FCGR2B: variants seen among roughly 807,000 people sequenced by gnomAD.
FCGR2B encodes the protein Fc gamma receptor IIb.
FCGR2B carries 18 observed loss-of-function variants against 24.8 expected under a neutral mutation model. The ratio of observed to expected loss-of-function variants is 0.73; its 90% CI spans 0.50 to 1.08. FCGR2B has a LOEUF of 1.08. Ranked by LOEUF, FCGR2B falls within the 50% of genes least tolerant of loss-of-function variation. FCGR2B has a pLI of 0.00. For synonymous variants in FCGR2B, 79 were observed against 109.8 expected (o/e 0.72, Z 1.75); for missense variants, 215 against 297.6 (o/e 0.72, Z 2.04).
intron 2 of FCGR2B, among the ~76,000 whole-genome samples, chr1:161,671,014 C>A (rs928945701): frequency 6.6e-6 from 1 of 151,800 alleles, no homozygotes; most frequent in Non-Finnish European, 1.5e-5. Context: ...CTTTGTTTAT[C>A]GGGGAGAAAA....
At chr1:161,675,784 A>C in intron 6 of FCGR2B, 1 of 235,656 alleles carries the variant, frequency 4.2e-6, no homozygotes, top group Non-Finnish European at 8.4e-6. Context: ...TGGAGTGGCC[A>C]GGCTCAGCTG....
the FCGR2B span, among the ~76,000 whole-genome samples, chr1:161,654,133 G>C: frequency 7.4e-6 from 1 of 135,096 alleles, no homozygotes; most frequent in East Asian, 1.9e-4. Flanking sequence ...CTCTTTCTTT[G>C]CTGCAATAGC....
chr1:161,650,888 C>A, the FCGR2B span, among the ~76,000 whole-genome samples: 2 of 105,614 alleles, frequency 1.9e-5, no homozygotes, highest in South Asian at 3.7e-4. Context: ...CCTCTCCTTC[C>A]CCCTCCAGTT....
the FCGR2B span, among the ~76,000 whole-genome samples, chr1:161,648,034 A>G: frequency 2.7e-5 from 4 of 150,660 alleles, no homozygotes; most frequent in African/African-American, 7.3e-5. Flanking sequence ...AGTTGGGAAG[A>G]TAGCTTTGTT....
Position 161,673,192 on chromosome 1 carries a change from G to A in FCGR2B, c.609G>A (p.Thr203=), listed in dbSNP as rs2298022. 2.8e-3 allele frequency: 4,480 copies of A among 1,595,406 alleles called. 49 individuals are homozygous for A. Among genetic ancestry groups the A allele is most frequent in the African/African-American group, 0.02 (1,438 of 72,466 alleles). Residue 203 remains threonine (T), a synonymous_variant, in exon 4 of 8, where the codon ACG becomes ACA. Coordinates refer to ENST00000358671, the MANE Select transcript of FCGR2B (RefSeq NM_001394477.1). Reference sequence around the variant, plus strand: ...ACTGCACAGGAAACATAGGCTACACGCTGTACTCATCCAAGCCTGTGACCA... The same window carrying A: ...ACTGCACAGGAAACATAGGCTACACACTGTACTCATCCAAGCCTGTGACCA... ...DYHCTGNIGY[T]LYSSKPVTIT...
In FCGR2B at chr1:161,675,405, C is replaced by T; in HGVS notation, c.817+92C>T. On this transcript the variant is annotated intron_variant, in intron 6 of 7. Coordinates refer to ENST00000358671, the MANE Select transcript of FCGR2B (RefSeq NM_001394477.1). ...GGAGAAGGGGCTTGTGCAAGTTCAG[C>T]TGGGAGCCAGGGAGGGAGCAGCAGT... 12 of 913,100 alleles carry T rather than the reference C, an allele frequency of 1.3e-5. No homozygotes were observed. In the East Asian group the frequency reaches 3.6e-4, roughly 28 times the overall value. 56.6% of individuals were successfully genotyped at this position (913,100 alleles called of 1,614,324 possible). A position where few individuals can be genotyped will look rare whatever the true frequency, so the allele number is the denominator to read the frequency against.
At chr1:161,651,408 C>T in the FCGR2B span, among the ~76,000 whole-genome samples, 2 of 90,068 alleles carry the variant, frequency 2.2e-5, no homozygotes, top group Admixed American at 1.3e-4. Context: ...TCTGGGTTCC[C>T]GTTTATTTTG....
rs1466407305 is a variant in FCGR2B at position 161,678,338 on chromosome 1, A to G, written c.*785A>G. The G allele has an allele frequency of 1.4e-5, 3 of 215,852 alleles. No individual in the cohort carries two copies. The highest frequency in any genetic ancestry group is 6.8e-5 in the African/African-American group (3 of 44,378). The allele number at this position is 215,852 out of a possible 1,614,324, so 13.4% of individuals were successfully genotyped here. On this transcript the variant is annotated 3_prime_UTR_variant, in exon 8 of 8. Transcript: ENST00000358671. ...TTTCTATTGTACCTTTTCTATTCCT[A>G]TGTTTAGATATATGAGTACTTACCA...
the FCGR2B span, among the ~76,000 whole-genome samples, chr1:161,648,131 C>G: frequency 4.0e-5 from 6 of 150,038 alleles, 1 homozygote; most frequent in Non-Finnish European, 8.9e-5. Context: ...TCTGACAAGA[C>G]CGCAATATAC....
intron 1 of FCGR2B, among the ~76,000 whole-genome samples, chr1:161,669,169 A>G (rs1198165073): frequency 7.1e-6 from 1 of 141,832 alleles, no homozygotes; most frequent in Non-Finnish European, 1.6e-5. Flanking sequence ...TCTTCCTTTT[A>G]TCAGATATTT....
the FCGR2B span, among the ~76,000 whole-genome samples, chr1:161,649,780 C>T: frequency 6.7e-6 from 1 of 149,314 alleles, no homozygotes; most frequent in Non-Finnish European, 1.5e-5. Flanking sequence ...TATTATTATT[C>T]CTATTTTATG....
upstream of FCGR2B, among the ~76,000 whole-genome samples, chr1:161,661,318 G>A (rs1681080748): frequency 7.3e-6 from 1 of 137,884 alleles, no homozygotes; most frequent in African/African-American, 2.8e-5. Flanking sequence ...AAACTCCACA[G>A]GTTACTCGTT....
At chr1:161,668,964 TACACAC>T (rs3039547) in intron 1 of FCGR2B, among the ~76,000 whole-genome samples, 6 of 97,084 alleles carry the variant, frequency 6.2e-5, no homozygotes, top group African/African-American at 1.1e-4. Flanking sequence ...CACACACACA[TACACAC>T]ACACACACAC....
chr1:161,673,238 A>G lies in FCGR2B; in HGVS notation c.646+9A>G. On this transcript the variant is annotated intron_variant, in intron 4 of 7. Coordinates refer to ENST00000358671, the MANE Select transcript of FCGR2B (RefSeq NM_001394477.1). ...GACCATCACTGTCCAAGGTATGCGG[A>G]GTCTGCCAAGATGTAAGGAGGGGAG... 6.3e-7 allele frequency: 1 copy of G among 1,587,132 alleles called. No individual in the cohort carries two copies. Among genetic ancestry groups the G allele is most frequent in the South Asian group, 1.1e-5 (1 of 87,346 alleles).
intron 6 of FCGR2B, chr1:161,675,652 G>T (rs1432747611): frequency 2.2e-5 from 6 of 268,000 alleles, no homozygotes; most frequent in African/African-American, 1.3e-4. Flanking sequence ...GCAAAGGATG[G>T]GGTTAGGGGC....
chr1:161,649,598 G>A, the FCGR2B span, among the ~76,000 whole-genome samples: 2 of 150,632 alleles, frequency 1.3e-5, no homozygotes, highest in African/African-American at 4.9e-5. Context: ...AGGATGACTA[G>A]TTAAAGGCTT....
chr1:161,658,897 AC>A (rs1680895238), upstream of FCGR2B, among the ~76,000 whole-genome samples: 1 of 152,064 alleles, frequency 6.6e-6, no homozygotes, highest in Admixed American at 6.5e-5. Flanking sequence ...TAAAATTGGA[AC>A]CATTTGAGTT....
the FCGR2B span, among the ~76,000 whole-genome samples, chr1:161,647,924 G>A: frequency 1.3e-5 from 2 of 151,042 alleles, no homozygotes; most frequent in African/African-American, 2.4e-5. Context: ...GAGAGTCAGC[G>A]ACTCGTAGAC....
the FCGR2B span, among the ~76,000 whole-genome samples, chr1:161,648,583 T>C: frequency 6.6e-6 from 1 of 151,174 alleles, no homozygotes. Flanking sequence ...CATTGATTTT[T>C]AATAGTTTTT....
Sources: gnomAD v4.1 joint callset for allele counts (sites outside exome capture counted in the v4.1 genomes callset) on GRCh38, gnomAD v4.1.1 for gene constraint, MANE v1.5 for transcripts, NCBI Gene and HGNC (gene_info 2026-07-23, HGNC 2026-07-21) for gene names.